Variants in ELOVL5 observed in about 807,000 individuals in gnomAD.
ELOVL5 encodes the protein ELOVL fatty acid elongase 5.
In ELOVL5, 8 loss-of-function variants were observed where a neutral mutation model predicts 38.6. The ratio of observed to expected loss-of-function variants is 0.21; its 90% CI spans 0.12 to 0.37. The LOEUF (loss-of-function observed/expected upper bound fraction) is 0.37. Ranked by LOEUF, ELOVL5 falls within the 10% of genes least tolerant of loss-of-function variation. The pLI is 1.00. For synonymous variants in ELOVL5, 127 were observed against 133.7 expected (o/e 0.95, Z 0.34); for missense variants, 280 against 367.8 (o/e 0.76, Z 1.95).
intron 1 of ELOVL5, among the ~76,000 whole-genome samples, chr6:53,300,337 G>A (rs1009719218): frequency 3.3e-5 from 5 of 151,874 alleles, no homozygotes; most frequent in African/African-American, 4.8e-5. Flanking sequence ...ACCACACACC[G>A]AGTGCCTACC....
chr6:53,341,555 G>A (rs1044260252), intron 1 of ELOVL5, among the ~76,000 whole-genome samples: 3 of 152,146 alleles, frequency 2.0e-5, no homozygotes, highest in Non-Finnish European at 4.4e-5. Context: ...TCCCTACCTC[G>A]TGGGCTTTTG....
intron 3 of ELOVL5, among the ~76,000 whole-genome samples, chr6:53,281,191 GT>G (rs1766338995): frequency 6.6e-6 from 1 of 152,170 alleles, no homozygotes; most frequent in Non-Finnish European, 1.5e-5. Context: ...GAAGCTGCAT[GT>G]TTACTACCTC....
chr6:53,335,739 C>T (rs1769036443), intron 1 of ELOVL5, among the ~76,000 whole-genome samples: 1 of 152,162 alleles, frequency 6.6e-6, no homozygotes, highest in Non-Finnish European at 1.5e-5. Context: ...CATGGCCACC[C>T]AGAATAAAGA....
At chr6:53,341,222 AATGTT>A (rs1216234530) in intron 1 of ELOVL5, among the ~76,000 whole-genome samples, 2 of 152,230 alleles carry the variant, frequency 1.3e-5, no homozygotes, top group African/African-American at 4.8e-5. Flanking sequence ...ATTGATCATA[AATGTT>A]ATTCCCTATT....
At chr6:53,303,349 T>C (rs1767338881) in intron 1 of ELOVL5, among the ~76,000 whole-genome samples, 2 of 152,222 alleles carry the variant, frequency 1.3e-5, no homozygotes, top group Admixed American at 6.5e-5. Flanking sequence ...AAATCTTGGC[T>C]CAAAAATATC....
chr6:53,290,925 T>C (rs1561870056), intron 3 of ELOVL5, among the ~76,000 whole-genome samples: 1 of 152,154 alleles, frequency 6.6e-6, no homozygotes, highest in Non-Finnish European at 1.5e-5. Flanking sequence ...TGAAAACCTA[T>C]ACAGGAGTGC....
intron 2 of ELOVL5, among the ~76,000 whole-genome samples, chr6:53,293,195 T>C (rs559128707): frequency 1.3e-5 from 2 of 152,266 alleles, no homozygotes; most frequent in South Asian, 4.1e-4. Context: ...TCCTCAATCT[T>C]AACTACCCGC....
intron 1 of ELOVL5, among the ~76,000 whole-genome samples, chr6:53,304,112 T>C (rs1767379488): frequency 6.6e-6 from 1 of 152,254 alleles, no homozygotes; most frequent in Non-Finnish European, 1.5e-5. Context: ...TAACGGCAAG[T>C]ACTCCAATCT....
chr6:53,268,827 C>T lies in ELOVL5; in HGVS notation c.*300G>A, dbSNP rs1173540777. Reference sequence around the variant, plus strand: ...TACAGTGTTTTTAAATTGTGAATCACAATTCAGCACCTATCATGTTATAAC... The same window carrying T: ...TACAGTGTTTTTAAATTGTGAATCATAATTCAGCACCTATCATGTTATAAC... On this transcript the variant is annotated 3_prime_UTR_variant, in exon 8 of 8. Transcript: ENST00000304434. 1 of 229,450 alleles carries T rather than the reference C, an allele frequency of 4.4e-6. No individual in the cohort carries two copies. Among genetic ancestry groups the T allele is most frequent in the African/African-American group, 2.3e-5 (1 of 44,342 alleles). 14.2% of individuals were successfully genotyped at this position (229,450 alleles called of 1,614,324 possible).
intron 1 of ELOVL5, among the ~76,000 whole-genome samples, chr6:53,304,357 G>T (rs2127579270): frequency 6.6e-6 from 1 of 152,252 alleles, no homozygotes. Flanking sequence ...GATCAGTAAA[G>T]ACACTTTGTA....
At chr6:53,324,281 A>AG (rs1768423499) in intron 1 of ELOVL5, among the ~76,000 whole-genome samples, 1 of 151,820 alleles carries the variant, frequency 6.6e-6, no homozygotes. Flanking sequence ...AAAAAGAAAA[A>AG]AAAGAAAAGA....
At chr6:53,303,859 G>A (rs1004491163) in intron 1 of ELOVL5, among the ~76,000 whole-genome samples, 1 of 152,128 alleles carries the variant, frequency 6.6e-6, no homozygotes, top group Non-Finnish European at 1.5e-5. Flanking sequence ...CTAACAAGTG[G>A]AGAGTCACAC....
At chr6:53,324,356 T>C (rs912193022) in intron 1 of ELOVL5, among the ~76,000 whole-genome samples, 7 of 151,552 alleles carry the variant, frequency 4.6e-5, no homozygotes, top group African/African-American at 1.7e-4. Flanking sequence ...AAAAGTAACA[T>C]TTAAAAACAT....
chr6:53,294,898 C>A (rs545849644), intron 2 of ELOVL5, among the ~76,000 whole-genome samples: 3 of 152,284 alleles, frequency 2.0e-5, no homozygotes, highest in African/African-American at 7.2e-5. Flanking sequence ...CATTTTAATT[C>A]CAACAGAAGG....
Position 53,348,862 on chromosome 6 carries a change from G to A in ELOVL5, c.-54C>T, listed in dbSNP as rs749742260. On this transcript the variant is annotated 5_prime_UTR_variant, in exon 1 of 8. Coordinates refer to ENST00000304434, the MANE Select transcript of ELOVL5 (RefSeq NM_021814.5). Reference sequence around the variant, plus strand: ...AGCAGCTTTGAGCAGCAGCAAGGCGGCGGCGGCGGAGGGAGCGCGGGTGGC... The same window carrying A: ...AGCAGCTTTGAGCAGCAGCAAGGCGACGGCGGCGGAGGGAGCGCGGGTGGC... 1.7e-5 allele frequency: 8 copies of A among 458,200 alleles called. No homozygotes were observed. Among genetic ancestry groups the A allele is most frequent in the African/African-American group, 1.0e-4 (5 of 49,796 alleles). 28.4% of individuals were successfully genotyped at this position (458,200 alleles called of 1,614,324 possible). A position where few individuals can be genotyped will look rare whatever the true frequency, so the allele number is the denominator to read the frequency against.
At position 53,287,768 on chromosome 6, in the gene ELOVL5, G is replaced by T. The variant is rs566561572; in HGVS notation, c.246+4008C>A. On this transcript the variant is annotated intron_variant, in intron 3 of 7. Transcript: ENST00000304434. ...CAGCATAACAGATCGGCTAAGAAAG[G>T]CCGGAGTGCCTCCTTCTGAGGAAAG... The T allele has an allele frequency of 8.2e-4, 904 of 1,108,100 alleles. 3 individuals carry two copies. The highest frequency in any genetic ancestry group is 2.0e-3 in the South Asian group (147 of 74,952). The allele number at this position is 1,108,100 out of a possible 1,614,324, so 68.6% of individuals were successfully genotyped here.
At chr6:53,276,356 C>A in intron 3 of ELOVL5, 100 bp from the exon 4 acceptor site, 1 of 772,598 alleles carries the variant, frequency 1.3e-6, no homozygotes, top group South Asian at 1.6e-5. Flanking sequence ...TTACCTTGGG[C>A]TGTGCTGAGC....
chr6:53,320,339 T>A (rs1259760032), intron 1 of ELOVL5, among the ~76,000 whole-genome samples: 1 of 151,328 alleles, frequency 6.6e-6, no homozygotes, highest in Admixed American at 6.6e-5. Flanking sequence ...CCCACATTTC[T>A]TTTTTTTCTT....
At chr6:53,326,613 A>G (rs1156575560) in intron 1 of ELOVL5, among the ~76,000 whole-genome samples, 1 of 152,180 alleles carries the variant, frequency 6.6e-6, no homozygotes, top group Non-Finnish European at 1.5e-5. Flanking sequence ...TTCCTCCCGC[A>G]GAGCCCCAGA....
Sources: gnomAD v4.1 joint callset for allele counts (sites outside exome capture counted in the v4.1 genomes callset) on GRCh38, gnomAD v4.1.1 for gene constraint, MANE v1.5 for transcripts, NCBI Gene and HGNC (gene_info 2026-07-23, HGNC 2026-07-21) for gene names.